Variants in KIF26B observed in about 807,000 individuals in gnomAD.
The protein encoded by KIF26B is kinesin family member 26B.
Under a neutral mutation model 151.2 loss-of-function variants are expected in KIF26B, and 63 were observed. The ratio of observed to expected loss-of-function variants is 0.42; its 90% CI spans 0.34 to 0.51. KIF26B has a LOEUF of 0.51. Ranked by LOEUF, KIF26B falls within the 20% of genes least tolerant of loss-of-function variation. KIF26B has a pLI of 0.07. For missense variants in KIF26B, 2,813 were observed against 2,913.6 expected (o/e 0.97, Z 0.79); for synonymous variants, 1,357 against 1,262.1 (o/e 1.08, Z -1.59).
At chr1:245,333,083 C>T (rs771087892) in intron 2 of KIF26B, among the ~76,000 whole-genome samples, 11 of 152,018 alleles carry the variant, frequency 7.2e-5, no homozygotes, top group Non-Finnish European at 1.3e-4. Context: ...AAAAGCAGAA[C>T]GGAGACAGTG....
At chr1:245,461,311 T>A (rs1572073105) in intron 4 of KIF26B, among the ~76,000 whole-genome samples, 1 of 152,072 alleles carries the variant, frequency 6.6e-6, no homozygotes, top group East Asian at 1.9e-4. Flanking sequence ...TATCTTTTTT[T>A]TTTTCAGGGT....
At chr1:245,342,310 G>A (rs1023712061) in intron 2 of KIF26B, among the ~76,000 whole-genome samples, 3 of 152,190 alleles carry the variant, frequency 2.0e-5, no homozygotes, top group Non-Finnish European at 4.4e-5. Flanking sequence ...GAGCCGCGTG[G>A]TTTTCTCCAT....
intron 2 of KIF26B, among the ~76,000 whole-genome samples, chr1:245,326,525 CTGTT>C (rs1165490128): frequency 6.6e-6 from 1 of 152,306 alleles, no homozygotes; most frequent in South Asian, 2.1e-4. Context: ...TTCCGGACCA[CTGTT>C]TGTTTTCCAT....
intron 5 of KIF26B, among the ~76,000 whole-genome samples, chr1:245,582,959 C>T: frequency 6.6e-6 from 1 of 152,074 alleles, no homozygotes; most frequent in East Asian, 1.9e-4. Flanking sequence ...CAACTCCATC[C>T]CCCACTCTCT....
intron 2 of KIF26B, among the ~76,000 whole-genome samples, chr1:245,220,877 C>G (rs1669752891): frequency 6.6e-6 from 1 of 152,044 alleles, no homozygotes; most frequent in Non-Finnish European, 1.5e-5. Flanking sequence ...ATGAATTTCA[C>G]ACGGCTCCAC....
chr1:245,554,895 A>G (rs1322561852), intron 5 of KIF26B, among the ~76,000 whole-genome samples: 1 of 152,220 alleles, frequency 6.6e-6, no homozygotes, highest in Non-Finnish European at 1.5e-5. Context: ...GACCTCACGC[A>G]TCCTTTGCTT....
rs549218097 is a variant in KIF26B, at chr1:245,290,130, C to G, written c.466-76704C>G. ...CTTGTCACCTCTATATCTCCAGGAT[C>G]TAATACAGAGCCTAGCATTCAGTAG... On this transcript the variant is annotated intron_variant, in intron 2 of 14. Coordinates refer to ENST00000407071, the MANE Select transcript of KIF26B (RefSeq NM_018012.4). Among the ~76,000 whole-genome samples the G allele has an allele frequency of 2.6e-5, 4 of 152,298 alleles. No individual in the cohort carries two copies. The South Asian group carries it at 8.3e-4, about 32-fold the overall frequency.
At position 245,158,858 on chromosome 1, in the gene KIF26B, GT is replaced by G. The variant is rs1573678695; in HGVS notation, c.465+2176del. Among the ~76,000 whole-genome samples the G allele has an allele frequency of 2.5e-4, 11 of 43,514 alleles. No homozygotes were observed. In the East Asian group the frequency reaches 5.7e-3, roughly 23 times the overall value. 28.5% of individuals were successfully genotyped at this position (43,514 alleles called of 152,430 possible). A position where few individuals can be genotyped will look rare whatever the true frequency, so the allele number is the denominator to read the frequency against. On this transcript the variant is annotated intron_variant, in intron 2 of 14. Coordinates refer to ENST00000407071, the MANE Select transcript of KIF26B (RefSeq NM_018012.4). The stretch of plus-strand genomic sequence containing the variant: ...AATAATTGTGTGTGTGTGTGTGTGT[GT>G]GTGTGTGTGTGGTGTGTGTTTTAAG...
intron 12 of KIF26B, among the ~76,000 whole-genome samples, chr1:245,689,124 G>A (rs1399086075): frequency 6.6e-6 from 1 of 152,206 alleles, no homozygotes; most frequent in Non-Finnish European, 1.5e-5. Flanking sequence ...ATCCCTTGGC[G>A]CTCAGCAGGG....
chr1:245,272,845 A>G (rs1383443136), intron 2 of KIF26B, among the ~76,000 whole-genome samples: 2 of 152,116 alleles, frequency 1.3e-5, no homozygotes, highest in South Asian at 2.1e-4. Context: ...TTCTTCTGCT[A>G]TTGATTTTCA....
chr1:245,408,042 C>G (rs1459055708), intron 3 of KIF26B, among the ~76,000 whole-genome samples: 1 of 152,138 alleles, frequency 6.6e-6, no homozygotes, highest in African/African-American at 2.4e-5. Context: ...CAGTGGTAGC[C>G]TTTGCCCAAT....
chr1:245,685,272 G>A (rs2044494637), intron 11 of KIF26B, 133 bp from the exon 12 acceptor site: 8 of 702,688 alleles, frequency 1.1e-5, no homozygotes, highest in South Asian at 9.4e-5. Flanking sequence ...AGTGGCCCAC[G>A]TGCGGGAGGC....
chr1:245,532,407 A>G (rs111292883), intron 4 of KIF26B, among the ~76,000 whole-genome samples: 7,647 of 151,338 alleles, frequency 0.051, 293 homozygotes, highest in Non-Finnish European at 0.076. Flanking sequence ...CACCATGCCC[A>G]GCTAATTTTT....
intron 9 of KIF26B, among the ~76,000 whole-genome samples, chr1:245,635,941 T>C (rs902818620): frequency 6.6e-6 from 1 of 152,196 alleles, no homozygotes; most frequent in African/African-American, 2.4e-5. Context: ...TTTTCAGATA[T>C]TGTTCTACAT....
intron 3 of KIF26B, among the ~76,000 whole-genome samples, chr1:245,380,958 A>AGG (rs1558144128): frequency 7.6e-5 from 11 of 144,194 alleles, no homozygotes; most frequent in Non-Finnish European, 1.3e-4. Context: ...AAAAGATGAA[A>AGG]AAAAAAAAAA....
chr1:245,176,156 C>T (rs1284745150), intron 2 of KIF26B, among the ~76,000 whole-genome samples: 1 of 151,924 alleles, frequency 6.6e-6, no homozygotes. Context: ...TGAGTCACCA[C>T]GCCCAGCTAA....
In KIF26B at chr1:245,366,859, A is replaced by G. The variant is rs770990955; in HGVS notation, c.491A>G (p.His164Arg). The change falls in exon 3 of 15, where the codon CAC becomes CGC. Residue 164 changes from histidine (H) to arginine (R), a missense_variant. His to Arg is a conservative substitution (Grantham distance 29). This residue lies in a region of KIF26B where 676 missense variants were observed against 688.1 expected (regional missense o/e 0.98). Transcript: ENST00000407071. The part of the protein sequence containing the change: ...GKDPAFSAVI[H>R]DKLQVPNTIR... ...GACCCTGCTTTCTCGGCTGTGATTC[A>G]CGACAAACTCCAGGTCCCCAACACC... 1 of 1,613,846 alleles carries G rather than the reference A, an allele frequency of 6.2e-7. No homozygotes were observed. The highest frequency in any genetic ancestry group is 8.5e-7 in the Non-Finnish European group (1 of 1,179,850).
At chr1:245,680,792 AG>A in intron 10 of KIF26B, among the ~76,000 whole-genome samples, 1 of 152,208 alleles carries the variant, frequency 6.6e-6, no homozygotes, top group Non-Finnish European at 1.5e-5. Flanking sequence ...ACACGGGCAG[AG>A]GGGTGAAGAT....
rs993768858 is a variant in KIF26B at position 245,318,771 on chromosome 1, A to G, written c.466-48063A>G. On this transcript the variant is annotated intron_variant, in intron 2 of 14. Coordinates refer to ENST00000407071, the MANE Select transcript of KIF26B (RefSeq NM_018012.4). The surrounding 1 kb of genome is among the most constrained non-coding windows in gnomAD (Gnocchi z 4.0). The stretch of plus-strand genomic sequence containing the variant: ...GTCATCCCTGAAATTTCATGAGGCC[A>G]GAGTAGGTCAACAGGGGCTAATGAG... 2.6e-5 allele frequency among the ~76,000 whole-genome samples: 4 copies of G among 152,136 alleles called. No homozygotes were observed. Among genetic ancestry groups the G allele is most frequent in the Non-Finnish European group, 4.4e-5 (3 of 68,034 alleles).
Sources: gnomAD v4.1 joint callset for allele counts (sites outside exome capture counted in the v4.1 genomes callset) on GRCh38, gnomAD v4.1.1 for gene constraint, gnomAD v4.1.1 regional missense constraint, Gnocchi (gnomAD v3.1) non-coding constraint, MANE v1.5 for transcripts, NCBI Gene and HGNC (gene_info 2026-07-23, HGNC 2026-07-21) for gene names.